Variants in NEK10 observed in about 807,000 individuals in gnomAD.
NEK10 encodes serine/threonine-protein kinase Nek10.
NEK10 carries 122 observed loss-of-function variants against 159.8 expected under a neutral mutation model. The observed-to-expected ratio is 0.76, with a 90% CI of 0.66 to 0.89. NEK10 has a LOEUF of 0.89. NEK10 is among the 40% of genes least tolerant of loss of function. The probability of loss-of-function intolerance (pLI) is 0.00; values close to 1 mark genes in which losing one functional copy is unlikely to be tolerated. For missense variants in NEK10, 1,342 were observed against 1,323.1 expected (o/e 1.01, Z -0.22); for synonymous variants, 466 against 457.1 (o/e 1.02, Z -0.25).
chr3:27,231,861 C>A (rs893578973), intron 23 of NEK10, among the ~76,000 whole-genome samples: 1 of 151,102 alleles, frequency 6.6e-6, no homozygotes, highest in Admixed American at 6.6e-5. Context: ...ACACTGCCAA[C>A]AAAAAGCCAG....
intron 33 of NEK10, 81 bp from the exon 34 acceptor site, chr3:27,116,208 A>G: frequency 1.6e-6 from 2 of 1,236,610 alleles, no homozygotes; most frequent in Non-Finnish European, 2.3e-6. Context: ...TATGACTTCA[A>G]CCACAGGGCA....
At chr3:27,344,998 T>A (rs1285608218) in intron 4 of NEK10, among the ~76,000 whole-genome samples, 1 of 152,162 alleles carries the variant, frequency 6.6e-6, no homozygotes, top group Admixed American at 6.5e-5. Context: ...ACCAAAGAGG[T>A]TAAAAATACC....
At chr3:27,229,404 C>T (rs1324599354) in intron 23 of NEK10, among the ~76,000 whole-genome samples, 1 of 152,062 alleles carries the variant, frequency 6.6e-6, no homozygotes, top group Admixed American at 6.6e-5. Flanking sequence ...TCTGAAGAAA[C>T]AGTCTACCCA....
rs775583018 is a variant in NEK10 at position 27,108,810 on chromosome 3, A to C, written c.*2462T>G. Among the ~76,000 whole-genome samples the C allele has an allele frequency of 6.6e-5, 10 of 152,302 alleles. No individual in the cohort carries two copies. The highest frequency in any genetic ancestry group is 3.4e-3 in the Middle Eastern group (1 of 294). On this transcript the variant is annotated 3_prime_UTR_variant, in exon 36 of 36. Coordinates refer to ENST00000691995, the MANE Select transcript of NEK10 (RefSeq NM_001394966.1). ...ATATTTGTGTTAGAAAGGCTTCTGA[A>C]AAGTTAACTTCTCTGTTGGGATGTG...
chr3:27,187,056 T>C (rs953926889), intron 26 of NEK10, among the ~76,000 whole-genome samples: 2 of 151,562 alleles, frequency 1.3e-5, no homozygotes, highest in African/African-American at 2.4e-5. Context: ...AAGGGGAGAG[T>C]TGGGGCATCA....
intron 26 of NEK10, among the ~76,000 whole-genome samples, chr3:27,183,637 A>C (rs981506361): frequency 2.6e-5 from 4 of 152,108 alleles, no homozygotes; most frequent in Non-Finnish European, 5.9e-5. Flanking sequence ...AATTTAAAAA[A>C]ACAGGCAAGC....
Position 27,111,270 on chromosome 3 carries a change from T to C in NEK10, c.*2A>G, listed in dbSNP as rs974356228. On this transcript the variant is annotated 3_prime_UTR_variant, in exon 36 of 36. Coordinates refer to ENST00000691995, the MANE Select transcript of NEK10 (RefSeq NM_001394966.1). Reference sequence around the variant, plus strand: ...ATCAAGTCCACTCAAAATGCAGCATTTTCATCTTTTGGTTGGGTGATTCTT... The same window carrying C: ...ATCAAGTCCACTCAAAATGCAGCATCTTCATCTTTTGGTTGGGTGATTCTT... The C allele has an allele frequency of 1.2e-6, 2 of 1,609,146 alleles. No homozygotes were observed. The highest frequency in any genetic ancestry group is 1.3e-5 in the African/African-American group (1 of 74,586).
In NEK10 at chr3:27,251,368, T is replaced by A. The variant is rs145660368; in HGVS notation, c.2090+4928A>T. ...AAGGTGGGGCCTAGTGGAAAATGACTGGATCATGGGGGTGGATTTCTCATG... is the reference window on the plus strand; with the variant it reads ...AAGGTGGGGCCTAGTGGAAAATGACAGGATCATGGGGGTGGATTTCTCATG... On this transcript the variant is annotated intron_variant, in intron 23 of 35. Transcript: ENST00000691995. Among the ~76,000 whole-genome samples the A allele has an allele frequency of 8.7e-3, 1,325 of 152,332 alleles. 19 individuals carry two copies. The highest frequency in any genetic ancestry group is 0.029 in the African/African-American group (1,217 of 41,564).
At chr3:27,241,898 A>C (rs972296463) in intron 23 of NEK10, among the ~76,000 whole-genome samples, 1 of 152,174 alleles carries the variant, frequency 6.6e-6, no homozygotes. Context: ...CTAAGTATTG[A>C]CCTCATGCTG....
chr3:27,245,266 A>C (rs1290750548), intron 23 of NEK10, among the ~76,000 whole-genome samples: 6 of 152,306 alleles, frequency 3.9e-5, no homozygotes, highest in South Asian at 2.1e-4. Flanking sequence ...TTTTTAAAGA[A>C]ATACGGTGCT....
chr3:27,295,751 G>T, intron 14 of NEK10, 61 bp from the exon 15 acceptor site: 1 of 1,474,122 alleles, frequency 6.8e-7, no homozygotes, highest in Non-Finnish European at 9.0e-7. Context: ...CAAGCAAAAA[G>T]AGGCAAATAA....
chr3:27,305,749 A>G (rs2044196526), intron 11 of NEK10, among the ~76,000 whole-genome samples: 1 of 152,328 alleles, frequency 6.6e-6, no homozygotes, highest in South Asian at 2.1e-4. Context: ...CAAAGCACTC[A>G]GTTACTATAT....
In NEK10 at chr3:27,284,629, A is replaced by G. The variant is rs1244690494; in HGVS notation, c.1987T>C (p.Leu663=). The G allele has an allele frequency of 6.2e-7, 1 of 1,600,932 alleles. No individual in the cohort carries two copies. Among genetic ancestry groups the G allele is most frequent in the South Asian group, 1.1e-5 (1 of 90,800 alleles). The part of the protein sequence containing the change: ...HRDLTPNNIM[L]GDKDKVTVTD... ...ACGGTTACTTTGTCCTTATCCCCCAACATAATGTTGTTTGGTGTCAGATCT... is the reference window on the plus strand; with the variant it reads ...ACGGTTACTTTGTCCTTATCCCCCAGCATAATGTTGTTTGGTGTCAGATCT... Residue 663 remains leucine, a synonymous_variant, in exon 22 of 36, where the codon TTG becomes CTG. Transcript: ENST00000691995.
At chr3:27,230,313 C>A (rs1158741356) in intron 23 of NEK10, among the ~76,000 whole-genome samples, 1 of 151,984 alleles carries the variant, frequency 6.6e-6, no homozygotes, top group Non-Finnish European at 1.5e-5. Context: ...TTCAGACAAA[C>A]AAATGCTGAG....
intron 23 of NEK10, among the ~76,000 whole-genome samples, chr3:27,205,092 G>T (rs909328372): frequency 1.3e-5 from 2 of 151,928 alleles, no homozygotes; most frequent in Admixed American, 1.3e-4. Context: ...GTGTTTTTAG[G>T]CTGCATAAAT....
chr3:27,263,153 T>C (rs893133671), intron 22 of NEK10, among the ~76,000 whole-genome samples: 1 of 152,200 alleles, frequency 6.6e-6, no homozygotes. Context: ...ACAGCAAATG[T>C]TGCTGCCTGA....
intron 22 of NEK10, among the ~76,000 whole-genome samples, chr3:27,257,627 T>C (rs1300037057): frequency 1.3e-5 from 2 of 152,136 alleles, no homozygotes; most frequent in Non-Finnish European, 1.5e-5. Flanking sequence ...TTAACACTCA[T>C]AGCACTCTGA....
intron 26 of NEK10, among the ~76,000 whole-genome samples, chr3:27,180,666 A>G (rs1947994168): frequency 6.6e-6 from 1 of 152,298 alleles, no homozygotes; most frequent in South Asian, 2.1e-4. Context: ...ACATAAGGAA[A>G]GGTCTAGTTC....
intron 32 of NEK10, among the ~76,000 whole-genome samples, chr3:27,129,152 A>G (rs554759618): frequency 1.6e-4 from 24 of 152,208 alleles, no homozygotes; most frequent in African/African-American, 5.8e-4. Flanking sequence ...ATTCTAGCCA[A>G]GATTGAGCAG....
Sources: gnomAD v4.1 joint callset for allele counts (sites outside exome capture counted in the v4.1 genomes callset) on GRCh38, gnomAD v4.1.1 for gene constraint, MANE v1.5 for transcripts, NCBI Gene and HGNC (gene_info 2026-07-23, HGNC 2026-07-21) for gene names.